The following OFD1 variants were observed in gnomAD, a reference collection of about 807,000 sequenced individuals.
OFD1 encodes the protein centriole and centriolar satellite protein OFD1.
A neutral mutation model predicts 81.4 loss-of-function variants in OFD1; 12 were observed. The ratio of observed to expected loss-of-function variants is 0.15; its 90% CI spans 0.09 to 0.24. The LOEUF is 0.24. Ranked by LOEUF, OFD1 falls within the 10% of genes least tolerant of loss-of-function variation. The pLI is 1.00. For synonymous variants in OFD1, 256 were observed against 263.7 expected (o/e 0.97, Z 0.28); for missense variants, 685 against 733.9 (o/e 0.93, Z 0.77).
At chrX:13,718,680 T>C in the OFD1 span, among the ~76,000 whole-genome samples, 1 of 112,448 alleles carries the variant, frequency 8.9e-6, no homozygotes, top group African/African-American at 3.2e-5. Flanking sequence ...CTATCTTATT[T>C]TGGTGGCAAG....
At chrX:13,740,568 T>C (rs947019555) in intron 5 of OFD1, among the ~76,000 whole-genome samples, 1 of 110,164 alleles carries the variant, frequency 9.1e-6, no homozygotes, top group African/African-American at 3.3e-5. Flanking sequence ...CAAACCTGGC[T>C]GATCACTTGA....
the OFD1 span, chrX:13,716,463 T>C: frequency 1.7e-6 from 2 of 1,145,514 alleles, no homozygotes; most frequent in African/African-American, 1.8e-5. Flanking sequence ...GCCTGGCATC[T>C]ATGTTCCATG....
At chrX:13,738,484 CAATG>C (rs1454418483) in intron 3 of OFD1, among the ~76,000 whole-genome samples, 3 of 112,397 alleles carry the variant, frequency 2.7e-5, no homozygotes, top group African/African-American at 9.7e-5. Flanking sequence ...CATTTTTAAA[CAATG>C]AATACTTTTT....
At chrX:13,741,917 C>A (rs1450786769) in intron 5 of OFD1, among the ~76,000 whole-genome samples, 1 of 111,595 alleles carries the variant, frequency 9.0e-6, no homozygotes, top group East Asian at 2.8e-4. Context: ...GGAGCTGTTT[C>A]ACTTCTGTGG....
chrX:13,738,139 G>C (rs928247462), intron 3 of OFD1, among the ~76,000 whole-genome samples: 46 of 112,235 alleles, frequency 4.1e-4, no homozygotes, highest in African/African-American at 1.3e-3. Context: ...ATGAGCCCTC[G>C]TGTCTGGCCT....
intron 5 of OFD1, among the ~76,000 whole-genome samples, chrX:13,743,858 C>T (rs1310073097): frequency 9.0e-6 from 1 of 111,053 alleles, no homozygotes. Context: ...ATTATTGCAA[C>T]TATTTTTCCC....
Position 13,763,885 on chromosome X carries a change from C to T in OFD1, c.2599+30C>T, listed in dbSNP as rs1238645179. ...GTTCTTTTTTTGAACTAACAGTCAG[C>T]AGGGTCGCATACTAAATACCAGTCC... On this transcript the variant is annotated intron_variant, in intron 19 of 22. Coordinates refer to ENST00000340096, the MANE Select transcript of OFD1 (RefSeq NM_003611.3). The T allele has an allele frequency of 3.8e-6, 4 of 1,053,773 alleles. No homozygotes were observed. The South Asian group carries it at 5.6e-5, about 15-fold the overall frequency. 86.8% of individuals were successfully genotyped at this position (1,053,773 alleles called of 1,213,427 possible).
intron 6 of OFD1, 70 bp from the exon 7 acceptor site, chrX:13,746,249 C>G (rs992292275): frequency 1.0e-6 from 1 of 1,002,494 alleles, no homozygotes; most frequent in Non-Finnish European, 1.4e-6. Context: ...TACTTTTGAA[C>G]CAGAGGTCTG....
At chrX:13,728,633 C>T in the OFD1 span, among the ~76,000 whole-genome samples, 382 of 112,064 alleles carry the variant, frequency 3.4e-3, 3 homozygotes, top group Non-Finnish European at 4.3e-3. Context: ...GACAAACCCA[C>T]AGCCAATATC....
In OFD1 at chrX:13,738,926, T is replaced by G; in HGVS notation, c.381+12T>G. 2 of 1,178,736 alleles carry G rather than the reference T, an allele frequency of 1.7e-6. No individual in the cohort carries two copies. The highest frequency in any genetic ancestry group is 2.3e-6 in the Non-Finnish European group (2 of 866,062). ...TCTACAAATCACTGGTAAGATGGCTTAGTTTCTGTAATCTACTTTGGTTTG... is the reference window on the plus strand; with the variant it reads ...TCTACAAATCACTGGTAAGATGGCTGAGTTTCTGTAATCTACTTTGGTTTG... On this transcript the variant is annotated intron_variant, in intron 4 of 22. Transcript: ENST00000340096.
the OFD1 span, chrX:13,715,782 C>T: frequency 1.1e-6 from 1 of 900,770 alleles, no homozygotes; most frequent in Non-Finnish European, 1.4e-6. Context: ...TTTACCTTCA[C>T]AATCATCTAA....
intron 3 of OFD1, 74 bp downstream of exon 3, chrX:13,736,752 T>G: frequency 1.3e-6 from 1 of 798,145 alleles, no homozygotes; most frequent in Non-Finnish European, 1.9e-6. Context: ...AAGTGCTGTA[T>G]GATAGCTAAG....
chrX:13,716,402 C>CA, the OFD1 span: 7 of 824,975 alleles, frequency 8.5e-6, no homozygotes, highest in Non-Finnish European at 1.2e-5. Flanking sequence ...AAAGTAGCCC[C>CA]ATAAATGGAA....
In OFD1 at chrX:13,736,227, C is replaced by T; in HGVS notation, c.112-251C>T. The T allele has an allele frequency of 5.2e-6, 5 of 966,107 alleles. No homozygotes were observed. The South Asian group carries it at 1.2e-4, about 22-fold the overall frequency. The allele number at this position is 966,107 out of a possible 1,213,427, so 79.6% of individuals were successfully genotyped here. On this transcript the variant is annotated intron_variant, in intron 2 of 22. Coordinates refer to ENST00000340096, the MANE Select transcript of OFD1 (RefSeq NM_003611.3). ...GAGTCTGCAAGTGGATCTGGCTAACCACCCGTTTCATTTGGAAGCTGGGGA... is the reference window on the plus strand; with the variant it reads ...GAGTCTGCAAGTGGATCTGGCTAACTACCCGTTTCATTTGGAAGCTGGGGA...
rs765737201 is a variant in OFD1, at chrX:13,768,814, C to G, written c.2996+29C>G. 5.4e-6 allele frequency: 6 copies of G among 1,119,500 alleles called. No individual in the cohort carries two copies. In the South Asian group the frequency reaches 1.1e-4, roughly 20 times the overall value. 92.3% of individuals were successfully genotyped at this position (1,119,500 alleles called of 1,213,427 possible). On this transcript the variant is annotated intron_variant, in intron 22 of 22. Transcript: ENST00000340096. ...CCTGTTTTCCCTACACACTTTCATACACAAACTGTTAATTGCTTATTTTGT... is the reference window on the plus strand; with the variant it reads ...CCTGTTTTCCCTACACACTTTCATAGACAAACTGTTAATTGCTTATTTTGT...
At chrX:13,761,252 T>C (rs1360609463) in intron 17 of OFD1, 41 bp downstream of exon 17, 3 of 1,189,864 alleles carry the variant, frequency 2.5e-6, no homozygotes, top group Admixed American at 2.2e-5. Flanking sequence ...AGCTGAATAA[T>C]GTTACTTGCT....
chrX:13,763,269 G>C (rs2048004444), intron 18 of OFD1, among the ~76,000 whole-genome samples: 1 of 112,403 alleles, frequency 8.9e-6, no homozygotes, highest in Non-Finnish European at 1.9e-5. Context: ...TCATCTCTAA[G>C]GTTCTTTCCA....
the OFD1 span, among the ~76,000 whole-genome samples, chrX:13,727,350 A>T: frequency 8.9e-6 from 1 of 112,379 alleles, no homozygotes; most frequent in Non-Finnish European, 1.9e-5. Context: ...CATAATTGGA[A>T]GTAAAGCACT....
chrX:13,772,298 T>C (rs987027845), downstream of OFD1: 3 of 111,993 alleles, frequency 2.7e-5, no homozygotes, highest in Admixed American at 2.8e-4. Flanking sequence ...TATTTCTGAT[T>C]GGCTCAGGAA....
Sources: gnomAD v4.1 joint callset for allele counts (sites outside exome capture counted in the v4.1 genomes callset) on GRCh38, gnomAD v4.1.1 for gene constraint, MANE v1.5 for transcripts, NCBI Gene and HGNC (gene_info 2026-07-23, HGNC 2026-07-21) for gene names.